Variants in CCDC18 observed in about 807,000 individuals in gnomAD.
CCDC18 encodes the protein coiled-coil domain containing 18.
A neutral mutation model predicts 196.0 loss-of-function variants in CCDC18; 157 were observed. The observed-to-expected ratio is 0.80, with a 90% CI of 0.70 to 0.91. The LOEUF (loss-of-function observed/expected upper bound fraction) is 0.91. Ranked by LOEUF, CCDC18 falls within the 40% of genes least tolerant of loss-of-function variation. The probability of loss-of-function intolerance (pLI) is 0.00; values close to 1 mark genes in which losing one functional copy is unlikely to be tolerated. For synonymous variants in CCDC18, 482 were observed against 529.2 expected (o/e 0.91, Z 1.22); for missense variants, 1,465 against 1,611.6 (o/e 0.91, Z 1.56).
At chr1:93,180,610 G>A (rs753171469), upstream of CCDC18, 2 of 1,351,084 alleles carry the variant, frequency 1.5e-6, no homozygotes, top group South Asian at 1.2e-5. Flanking sequence ...GTGGGCTCGG[G>A]CGCGCTCGCC....
Position 93,221,895 on chromosome 1 carries a change from T to G in CCDC18, c.2134T>G (p.Leu712Val). Residue 712 changes from leucine to valine, a missense_variant, in exon 16 of 29, where the codon TTA (leucine) becomes GTA (valine). Transcript: ENST00000690025. ...KKENMKKDEA[L>V]KALQNQVSEE... ...GGAAAATATGAAGAAAGATGAAGCT[T>G]TAAAAGCATTACAGAACCAAGTATC... 1 of 1,601,860 alleles carries G rather than the reference T, an allele frequency of 6.2e-7. No homozygotes were observed. The highest frequency in any genetic ancestry group is 8.5e-7 in the Non-Finnish European group (1 of 1,172,102).
intron 6 of CCDC18, among the ~76,000 whole-genome samples, chr1:93,197,232 C>T (rs1352364686): frequency 6.6e-6 from 1 of 152,028 alleles, no homozygotes; most frequent in East Asian, 1.9e-4. Flanking sequence ...AAAGGATTAC[C>T]AAAACCTAAA....
rs1557634248 is a variant in CCDC18 at position 93,212,216 on chromosome 1, A to C, written c.1450A>C (p.Ser484Arg). The change falls in exon 11 of 29, where the codon AGT becomes CGT. Residue 484 changes from serine to arginine, a missense_variant. Transcript: ENST00000690025. The part of the protein sequence containing the change: ...CNDSQESSKL[S>R]SLETEPVKLG... ...TGACAGCCAAGAAAGTAGCAAATTAAGTAGTTTAGAAACAGAACCTGTAAA... is the reference window on the plus strand; with the variant it reads ...TGACAGCCAAGAAAGTAGCAAATTACGTAGTTTAGAAACAGAACCTGTAAA... 6.2e-7 allele frequency: 1 copy of C among 1,609,344 alleles called. No individual in the cohort carries two copies. Among genetic ancestry groups the C allele is most frequent in the Admixed American group, 1.7e-5 (1 of 59,128 alleles).
intron 21 of CCDC18, among the ~76,000 whole-genome samples, chr1:93,240,964 C>T (rs1009612705): frequency 1.3e-5 from 2 of 151,896 alleles, no homozygotes; most frequent in Admixed American, 6.6e-5. Flanking sequence ...ATTTCCAAAA[C>T]ATATATATAT....
At position 93,246,861 on chromosome 1, in the gene CCDC18, T is replaced by C; in HGVS notation, c.3105T>C (p.Ile1035=). The part of the protein sequence containing the change: ...AAQVTHLDMT[I]REHRGEMEQK... ...AGGTTACACATTTGGATATGACTAT[T>C]CGTGAGCACAGAGGAGAAATGGAAC... is the stretch of plus-strand genomic sequence containing the variant. The change falls in exon 23 of 29, where the codon ATT becomes ATC. Residue 1035 remains isoleucine, a synonymous_variant. Coordinates refer to ENST00000690025, the MANE Select transcript of CCDC18 (RefSeq NM_001378204.1). The C allele has an allele frequency of 6.5e-7, 1 of 1,531,792 alleles. No homozygotes were observed. The highest frequency in any genetic ancestry group is 9.0e-7 in the Non-Finnish European group (1 of 1,115,226). The allele number at this position is 1,531,792 out of a possible 1,614,324, so 94.9% of individuals were successfully genotyped here.
chr1:93,262,396 A>T (rs1557707136), intron 26 of CCDC18: 1 of 152,216 alleles, frequency 6.6e-6, no homozygotes, highest in Admixed American at 6.5e-5. Flanking sequence ...TACTTCCAAG[A>T]TACAATGGGG....
At chr1:93,254,391 C>A in intron 23 of CCDC18, 80 bp from the exon 24 acceptor site, 2 of 1,091,698 alleles carry the variant, frequency 1.8e-6, no homozygotes, top group Non-Finnish European at 2.6e-6. Context: ...GTGTTTAAAG[C>A]TTGACTTACT....
At chr1:93,208,334 G>GT (rs1196580811) in intron 9 of CCDC18, among the ~76,000 whole-genome samples, 2 of 90,434 alleles carry the variant, frequency 2.2e-5, no homozygotes, top group Non-Finnish European at 5.2e-5. Context: ...CTTTTTTTTT[G>GT]TTTGTTTGTT....
Position 93,205,566 on chromosome 1 carries a change from T to C in CCDC18, c.852T>C (p.Asn284=), listed in dbSNP as rs1329632025. ...ERNLTNCEKE[N]KRLQERCGLY... The stretch of plus-strand genomic sequence containing the variant: ...ATCTAACTAACTGTGAAAAAGAAAA[T>C]AAAAGGCTACAAGAAAGGTGTGGTC... Residue 284 remains asparagine, a synonymous_variant, in exon 8 of 29, where the codon AAT becomes AAC. Coordinates refer to ENST00000690025, the MANE Select transcript of CCDC18 (RefSeq NM_001378204.1). 1 of 1,593,518 alleles carries C rather than the reference T, an allele frequency of 6.3e-7. No individual in the cohort carries two copies. The highest frequency in any genetic ancestry group is 1.4e-5 in the African/African-American group (1 of 73,952).
intron 21 of CCDC18, among the ~76,000 whole-genome samples, chr1:93,240,975 A>AT (rs1165375069): frequency 1.3e-5 from 2 of 151,672 alleles, no homozygotes; most frequent in African/African-American, 2.4e-5. Context: ...ATATATATAT[A>AT]TTTTTTTTCA....
chr1:93,182,706 C>T (rs1649940971), intron 1 of CCDC18, among the ~76,000 whole-genome samples: 1 of 152,240 alleles, frequency 6.6e-6, no homozygotes, highest in Non-Finnish European at 1.5e-5. Flanking sequence ...AGTTGACCTG[C>T]CAAATGTTAT....
rs76223627 is a variant in CCDC18, at chr1:93,186,088, A to G, written c.304-257A>G. On this transcript the variant is annotated intron_variant, in intron 3 of 28. Coordinates refer to ENST00000690025, the MANE Select transcript of CCDC18 (RefSeq NM_001378204.1). ...ATATTATTGGTTCTTAGCATATTCA[A>G]CTTTGCTGGATAATACCAGCCAGTT... Among the ~76,000 whole-genome samples, 263 of 151,986 alleles carry G rather than the reference A, an allele frequency of 1.7e-3. 1 individual carries two copies. Among genetic ancestry groups the G allele is most frequent in the African/African-American group, 5.8e-3 (239 of 41,530 alleles).
intron 28 of CCDC18, among the ~76,000 whole-genome samples, chr1:93,274,972 T>C (rs1016822993): frequency 6.6e-6 from 1 of 152,216 alleles, no homozygotes; most frequent in African/African-American, 2.4e-5. Flanking sequence ...CTGTCAATAC[T>C]CATAACTTTA....
chr1:93,231,517 G>A (rs1659238087), intron 17 of CCDC18, among the ~76,000 whole-genome samples: 1 of 151,876 alleles, frequency 6.6e-6, no homozygotes, highest in Admixed American at 6.6e-5. Context: ...ATTCACTTTG[G>A]TAGGAGATGA....
chr1:93,207,532 G>T, intron 9 of CCDC18, 134 bp downstream of exon 9: 1 of 637,078 alleles, frequency 1.6e-6, no homozygotes. Context: ...TTTCTCTTCT[G>T]TCTAAATCTC....
At chr1:93,195,696 C>T (rs1175744649) in intron 6 of CCDC18, among the ~76,000 whole-genome samples, 3 of 152,092 alleles carry the variant, frequency 2.0e-5, no homozygotes, top group Non-Finnish European at 4.4e-5. Flanking sequence ...AAGTGTTCCT[C>T]CTCCTTGGAG....
intron 16 of CCDC18, among the ~76,000 whole-genome samples, chr1:93,225,607 T>G (rs960852843): frequency 1.3e-5 from 2 of 151,954 alleles, no homozygotes; most frequent in Non-Finnish European, 1.5e-5. Flanking sequence ...CAAAACCCAC[T>G]CTCTACTAAA....
chr1:93,222,934 T>C (rs947320340), intron 16 of CCDC18, among the ~76,000 whole-genome samples: 37 of 152,224 alleles, frequency 2.4e-4, no homozygotes, highest in Admixed American at 2.2e-3. Flanking sequence ...CCTATTCTGT[T>C]TTTAATTCAT....
chr1:93,190,889 T>C (rs1651642458), intron 4 of CCDC18: 1 of 734,682 alleles, frequency 1.4e-6, no homozygotes, highest in Admixed American at 1.7e-5. Flanking sequence ...TCAGCCTTTT[T>C]CTGGAAAATC....
Sources: gnomAD v4.1 joint callset for allele counts (sites outside exome capture counted in the v4.1 genomes callset) on GRCh38, gnomAD v4.1.1 for gene constraint, MANE v1.5 for transcripts, NCBI Gene and HGNC (gene_info 2026-07-23, HGNC 2026-07-21) for gene names.